Variants in CACNA1C observed in about 807,000 individuals in gnomAD.
The protein encoded by CACNA1C is voltage-dependent L-type calcium channel subunit alpha-1C.
Under a neutral mutation model 229.0 loss-of-function variants are expected in CACNA1C, and 30 were observed. That is an observed-to-expected ratio of 0.13 (90% CI 0.10 to 0.18). CACNA1C has a LOEUF of 0.18. Ranked by LOEUF, CACNA1C falls within the 10% of genes least tolerant of loss-of-function variation. The pLI, the probability that CACNA1C is intolerant of heterozygous loss-of-function variation, is 1.00. For synonymous variants in CACNA1C, 1,114 were observed against 1,132.5 expected, an observed-to-expected ratio of 0.98 and a Z score of 0.33; for missense variants, 1,658 against 2,845.0, an observed-to-expected ratio of 0.58 and a Z score of 9.49.
At chr12:2,558,559 C>T (rs980751037) in intron 11 of CACNA1C, among the ~76,000 whole-genome samples, 5 of 152,208 alleles carry the variant, frequency 3.3e-5, no homozygotes, top group African/African-American at 1.2e-4. Flanking sequence ...GCTCATTGGC[C>T]TACCGGTGTC....
At chr12:2,255,280 A>AC (rs925519420) in intron 3 of CACNA1C, among the ~76,000 whole-genome samples, 1 of 152,048 alleles carries the variant, frequency 6.6e-6, no homozygotes, top group African/African-American at 2.4e-5. Context: ...AAAAAAAAAA[A>AC]AAAAAACCTA....
At chr12:2,680,414 C>G (rs1057520958) in intron 42 of CACNA1C, 1 of 1,560,784 alleles carries the variant, frequency 6.4e-7, no homozygotes, top group South Asian at 1.2e-5. Flanking sequence ...CCGCCCTGGG[C>G]CCCCGCAGGG....
intron 8 of CACNA1C, among the ~76,000 whole-genome samples, 181 bp downstream of exon 8, chr12:2,505,126 T>G (rs1474873141): frequency 6.6e-6 from 1 of 152,078 alleles, no homozygotes; most frequent in African/African-American, 2.4e-5. Flanking sequence ...CCACTGGTCT[T>G]GGTGGTGGAC....
intron 3 of CACNA1C, among the ~76,000 whole-genome samples, chr12:2,270,540 G>T (rs979005913): frequency 1.8e-4 from 28 of 152,192 alleles, no homozygotes; most frequent in African/African-American, 6.8e-4. Context: ...AACACGAGTA[G>T]TCTCTTTGAG....
intron 45 of CACNA1C, among the ~76,000 whole-genome samples, 170 bp from the exon 46 acceptor site, chr12:2,688,277 T>G (rs751488243): frequency 6.6e-6 from 1 of 152,188 alleles, no homozygotes; most frequent in Non-Finnish European, 1.5e-5. Flanking sequence ...TAGTTGAAAG[T>G]CATGCCAGGT....
In CACNA1C at chr12:2,234,598, T is replaced by C. The variant is rs565074938; in HGVS notation, c.477+114168T>C. Reference sequence around the variant, plus strand: ...TGGTGTAGGGCCAGGGGCCAGATTGTGGAAATGAGTCTTTAGTGCCTCCCT... The same window carrying C: ...TGGTGTAGGGCCAGGGGCCAGATTGCGGAAATGAGTCTTTAGTGCCTCCCT... On this transcript the variant is annotated intron_variant, in intron 3 of 46. Coordinates refer to ENST00000399655, the MANE Select transcript of CACNA1C (RefSeq NM_000719.7). 6.4e-4 allele frequency among the ~76,000 whole-genome samples: 97 copies of C among 152,304 alleles called. 4 individuals carry two copies. In the South Asian group the frequency reaches 0.019, roughly 30 times the overall value.
At chr12:1,997,511 A>G (rs1161836244) in intron 1 of CACNA1C, among the ~76,000 whole-genome samples, 3 of 152,328 alleles carry the variant, frequency 2.0e-5, no homozygotes, top group East Asian at 3.9e-4. Flanking sequence ...TTGGTGACAG[A>G]GCGAGACTCC....
At chr12:2,408,910 CAAGT>C (rs558844765) in intron 3 of CACNA1C, among the ~76,000 whole-genome samples, 96 of 152,328 alleles carry the variant, frequency 6.3e-4, no homozygotes, top group African/African-American at 2.3e-3. Context: ...GTCATAACAT[CAAGT>C]AAGAAGCCTA....
chr12:2,463,547 T>C (rs762572727), intron 5 of CACNA1C, among the ~76,000 whole-genome samples: 28 of 152,278 alleles, frequency 1.8e-4, no homozygotes, highest in African/African-American at 4.6e-4. Context: ...AAGCCATGCA[T>C]TGGGGACACC....
Position 2,667,333 on chromosome 12 carries a change from T to G in CACNA1C, c.4623+551T>G, listed in dbSNP as rs552502170. Among the ~76,000 whole-genome samples the G allele has an allele frequency of 1.5e-3, 147 of 97,456 alleles. 1 individual carries two copies. Among genetic ancestry groups the G allele is most frequent in the African/African-American group, 0.012 (141 of 12,002 alleles). The allele number at this position is 97,456 out of a possible 152,430, so 63.9% of individuals were successfully genotyped here. A position where few individuals can be genotyped will look rare whatever the true frequency, so the allele number is the denominator to read the frequency against. ...ACCGTGGCCATTCCGTGCTCCTTGTTGGGGCAATAATGAGCTGACAGAGAG... is the reference window on the plus strand; with the variant it reads ...ACCGTGGCCATTCCGTGCTCCTTGTGGGGGCAATAATGAGCTGACAGAGAG... On this transcript the variant is annotated intron_variant, in intron 37 of 46. Transcript: ENST00000399655.
intron 3 of CACNA1C, among the ~76,000 whole-genome samples, chr12:2,443,654 A>T (rs1433195839): frequency 6.6e-6 from 1 of 152,194 alleles, no homozygotes. Flanking sequence ...AGGATTTAGG[A>T]GGGCACACAG....
intron 19 of CACNA1C, among the ~76,000 whole-genome samples, 169 bp downstream of exon 19, chr12:2,593,514 G>A (rs1336509059): frequency 2.0e-5 from 3 of 152,202 alleles, no homozygotes; most frequent in Non-Finnish European, 4.4e-5. Flanking sequence ...TGAATCAGAA[G>A]ACTTGTGTTT....
intron 1 of CACNA1C, among the ~76,000 whole-genome samples, chr12:2,087,961 A>G (rs2068388541): frequency 6.6e-6 from 1 of 152,176 alleles, no homozygotes; most frequent in Admixed American, 6.5e-5. Flanking sequence ...CCTGAGTTCC[A>G]TTACCTGTTT....
Position 2,136,250 on chromosome 12 carries a change from C to T in CACNA1C, c.477+15820C>T, listed in dbSNP as rs527862618. Among the ~76,000 whole-genome samples, 45 of 151,484 alleles carry T rather than the reference C, an allele frequency of 3.0e-4. 2 individuals carry two copies. The highest frequency in any genetic ancestry group is 1.2e-3 in the Admixed American group (18 of 15,118). ...CTCAGATGGAAATGCAGAAATCACC[C>T]GTCTTCTGCGTCGGTCACGCTGAGA... is the stretch of plus-strand genomic sequence containing the variant. On this transcript the variant is annotated intron_variant, in intron 3 of 46. Transcript: ENST00000399655.
intron 3 of CACNA1C, among the ~76,000 whole-genome samples, chr12:2,343,249 G>A (rs189870276): frequency 4.1e-4 from 62 of 152,348 alleles, no homozygotes; most frequent in Non-Finnish European, 3.5e-4. Flanking sequence ...ATGACCAGGT[G>A]AAGGTTTAAG....
rs1356771694 is a variant in CACNA1C at position 2,108,013 on chromosome 12, C to T, written c.50-7211C>T. ...AAAATGCAAAATGCATTTTGTCAGACGTGCTAGCTACATTTCAGGTGCTCA... is the reference window on the plus strand; with the variant it reads ...AAAATGCAAAATGCATTTTGTCAGATGTGCTAGCTACATTTCAGGTGCTCA... On this transcript the variant is annotated intron_variant, in intron 1 of 46. Coordinates refer to ENST00000399655, the MANE Select transcript of CACNA1C (RefSeq NM_000719.7). The surrounding 1 kb of genome is among the most constrained non-coding windows in gnomAD (Gnocchi z 5.3). 5.9e-5 allele frequency among the ~76,000 whole-genome samples: 9 copies of T among 152,232 alleles called. No homozygotes were observed. The highest frequency in any genetic ancestry group is 1.3e-4 in the Non-Finnish European group (9 of 68,044).
chr12:2,075,300 G>C (rs2283274), intron 1 of CACNA1C, among the ~76,000 whole-genome samples: 32,786 of 152,098 alleles, frequency 0.22, 3,929 homozygotes, highest in East Asian at 0.44. Flanking sequence ...CTGCTCATCA[G>C]CTCCTGGTGG....
At chr12:2,100,350 GAAGGAATTCCTTGAAGGAGGTTC>G (rs1217996430) in intron 1 of CACNA1C, among the ~76,000 whole-genome samples, 2 of 151,014 alleles carry the variant, frequency 1.3e-5, no homozygotes, top group East Asian at 1.9e-4. Context: ...GGAGGCTGAG[GAAGGAATTCCTTGAAGGAGGTTC>G]AAGGAATTGC....
At chr12:2,363,799 G>A (rs1055826405) in intron 3 of CACNA1C, among the ~76,000 whole-genome samples, 6 of 152,224 alleles carry the variant, frequency 3.9e-5, no homozygotes, top group Non-Finnish European at 7.3e-5. Context: ...GTTTGGGGTA[G>A]GGGGACGGTA....
Sources: gnomAD v4.1 joint callset for allele counts (sites outside exome capture counted in the v4.1 genomes callset) on GRCh38, gnomAD v4.1.1 for gene constraint, Gnocchi (gnomAD v3.1) non-coding constraint, MANE v1.5 for transcripts, NCBI Gene and HGNC (gene_info 2026-07-23, HGNC 2026-07-21) for gene names.